Variants in LNPK observed in about 807,000 individuals in gnomAD.
The protein encoded by LNPK is endoplasmic reticulum junction formation protein lunapark.
A neutral mutation model predicts 55.2 loss-of-function variants in LNPK; 29 were observed. The observed-to-expected ratio is 0.53, with a 90% CI of 0.39 to 0.72. The LOEUF is 0.72. Among genes scored for constraint, LNPK ranks in the 30% least tolerant of loss-of-function variants. LNPK has a pLI of 0.00. For missense variants in LNPK, 467 were observed against 494.8 expected, an observed-to-expected ratio of 0.94 and a Z score of 0.53; for synonymous variants, 162 against 168.2, an observed-to-expected ratio of 0.96 and a Z score of 0.29.
chr2:176,001,374 C>T (rs1317905528), intron 1 of LNPK, among the ~76,000 whole-genome samples: 3 of 152,130 alleles, frequency 2.0e-5, no homozygotes, highest in African/African-American at 7.2e-5. Context: ...AAGCAGAACA[C>T]GGAAAACTCA....
chr2:175,934,918 C>G (rs1016877388), intron 12 of LNPK, among the ~76,000 whole-genome samples: 1 of 151,946 alleles, frequency 6.6e-6, no homozygotes, highest in Non-Finnish European at 1.5e-5. Context: ...GAAATTTCTT[C>G]TAGGTCTCCT....
chr2:175,958,682 C>G (rs1306894766), intron 8 of LNPK, among the ~76,000 whole-genome samples: 1 of 152,100 alleles, frequency 6.6e-6, no homozygotes, highest in African/African-American at 2.4e-5. Flanking sequence ...GATTGCAGCT[C>G]CTTGCCAGAA....
intron 4 of LNPK, among the ~76,000 whole-genome samples, chr2:175,982,875 AT>A (rs1184360940): frequency 2.0e-5 from 3 of 152,236 alleles, no homozygotes; most frequent in African/African-American, 7.2e-5. Context: ...TAGTTAGAGA[AT>A]AGTGGCATAA....
intron 9 of LNPK, among the ~76,000 whole-genome samples, chr2:175,946,542 A>G (rs185646973): frequency 3.1e-4 from 47 of 152,258 alleles, no homozygotes; most frequent in Non-Finnish European, 5.6e-4. Flanking sequence ...TTAGTCTTCT[A>G]AAATCTTATG....
At chr2:175,940,904 A>G (rs1161005521) in intron 9 of LNPK, 8 of 445,424 alleles carry the variant, frequency 1.8e-5, no homozygotes, top group Non-Finnish European at 3.6e-5. Context: ...AACAGTTTAG[A>G]CACTGCACAC....
At chr2:175,953,771 TAAAA>T (rs59400321) in intron 8 of LNPK, among the ~76,000 whole-genome samples, 2 of 132,486 alleles carry the variant, frequency 1.5e-5, no homozygotes, top group South Asian at 4.8e-4. Context: ...TCCATGTTAC[TAAAA>T]AAAAAAAAAA....
chr2:175,950,110 G>C lies in LNPK; in HGVS notation c.494-2418C>G, dbSNP rs528655683. 2.4e-3 allele frequency among the ~76,000 whole-genome samples: 366 copies of C among 152,082 alleles called. 1 individual carries two copies. Among genetic ancestry groups the C allele is most frequent in the Admixed American group, 4.6e-3 (70 of 15,254 alleles). On this transcript the variant is annotated intron_variant, in intron 8 of 12. Coordinates refer to ENST00000272748, the MANE Select transcript of LNPK (RefSeq NM_030650.3). ...AAAATCATAAGGAGCATGCCATAAGGTTAATTCTCAACCGTAGTATGTTTT... is the reference window on the plus strand; with the variant it reads ...AAAATCATAAGGAGCATGCCATAAGCTTAATTCTCAACCGTAGTATGTTTT...
intron 8 of LNPK, among the ~76,000 whole-genome samples, chr2:175,949,213 C>T (rs546540394): frequency 2.6e-5 from 4 of 152,164 alleles, no homozygotes; most frequent in African/African-American, 9.6e-5. Context: ...TATTTTGCTA[C>T]TTTCCATGCA....
chr2:175,933,140 C>G (rs578122306), intron 12 of LNPK, among the ~76,000 whole-genome samples: 2 of 152,188 alleles, frequency 1.3e-5, no homozygotes, highest in South Asian at 4.1e-4. Context: ...CCACCCCAAC[C>G]TCAATATTCT....
rs572848921 is a variant in LNPK at position 175,946,492 on chromosome 2, T to C, written c.706+988A>G. Among the ~76,000 whole-genome samples, 18 of 152,280 alleles carry C rather than the reference T, an allele frequency of 1.2e-4. No homozygotes were observed. In the East Asian group the frequency reaches 2.9e-3, roughly 24 times the overall value. ...TTAAGATTTGTATACATTTCATTTA[T>C]AGTCAGTATTCTTAATTTGTTAATA... is the stretch of plus-strand genomic sequence containing the variant. On this transcript the variant is annotated intron_variant, in intron 9 of 12. Coordinates refer to ENST00000272748, the MANE Select transcript of LNPK (RefSeq NM_030650.3).
Position 175,928,845 on chromosome 2 carries a change from T to C in LNPK, c.*1122A>G, listed in dbSNP as rs1684138544. ...TAACTACCAGCAACCCACTACCTAT[T>C]CTCACAAAATTTGTTTCTCAAAGTT... On this transcript the variant is annotated 3_prime_UTR_variant, in exon 13 of 13. Coordinates refer to ENST00000272748, the MANE Select transcript of LNPK (RefSeq NM_030650.3). 6.6e-6 allele frequency: 1 copy of C among 152,546 alleles called. No individual in the cohort carries two copies. 9.4% of individuals were successfully genotyped at this position (152,546 alleles called of 1,614,324 possible). A position where few individuals can be genotyped will look rare whatever the true frequency, so the allele number is the denominator to read the frequency against.
At chr2:175,985,716 G>C (rs819033) in intron 4 of LNPK, among the ~76,000 whole-genome samples, 71,856 of 151,832 alleles carry the variant, frequency 0.47, 17,766 homozygotes, top group East Asian at 0.71. Context: ...GTAGGTATAG[G>C]GATTTAATTT....
At chr2:175,979,674 T>C in intron 5 of LNPK, 136 bp downstream of exon 5, 1 of 653,260 alleles carries the variant, frequency 1.5e-6, no homozygotes. Flanking sequence ...ATAACCTTTC[T>C]CATGCTTTAT....
chr2:175,932,717 A>G (rs1393320141), intron 12 of LNPK, among the ~76,000 whole-genome samples: 1 of 152,220 alleles, frequency 6.6e-6, no homozygotes, highest in Non-Finnish European at 1.5e-5. Flanking sequence ...TATAAATTTA[A>G]TAATCACAGA....
At chr2:175,987,445 T>A (rs1687476694) in intron 4 of LNPK, among the ~76,000 whole-genome samples, 1 of 152,090 alleles carries the variant, frequency 6.6e-6, no homozygotes, top group African/African-American at 2.4e-5. Flanking sequence ...ACACCGCATG[T>A]TCTCACTCAT....
intron 9 of LNPK, among the ~76,000 whole-genome samples, chr2:175,946,091 T>C (rs1425479741): frequency 1.3e-5 from 2 of 152,194 alleles, no homozygotes; most frequent in Non-Finnish European, 2.9e-5. Flanking sequence ...CAGAAACTAA[T>C]TAAAAACTTC....
At position 175,958,220 on chromosome 2, in the gene LNPK, C is replaced by T. The variant is rs189098637; in HGVS notation, c.493+6152G>A. On this transcript the variant is annotated intron_variant, in intron 8 of 12. Transcript: ENST00000272748. The stretch of plus-strand genomic sequence containing the variant: ...CTGAAGAGAGCACTGGTTCTCCCAG[C>T]ATGGAGTTTGAGCTCTGAGAACAGA... Among the ~76,000 whole-genome samples, 522 of 152,342 alleles carry T rather than the reference C, an allele frequency of 3.4e-3. 15 individuals are homozygous for T. In the South Asian group the frequency reaches 0.073, roughly 21 times the overall value.
rs1688123831 is a variant in LNPK, at chr2:176,000,558, T to A, written c.-63+1602A>T. ...TTGTATTTTTACAAAAATAGATTGC[T>A]CTCATTTTCTCTAGTATAAGAAATA... On this transcript the variant is annotated intron_variant, in intron 1 of 12. Coordinates refer to ENST00000272748, the MANE Select transcript of LNPK (RefSeq NM_030650.3). 3.3e-5 allele frequency among the ~76,000 whole-genome samples: 5 copies of A among 152,338 alleles called. No individual in the cohort carries two copies. The South Asian group carries it at 1.0e-3, about 32-fold the overall frequency.
At chr2:176,000,883 T>C (rs958205153) in intron 1 of LNPK, among the ~76,000 whole-genome samples, 2 of 152,202 alleles carry the variant, frequency 1.3e-5, no homozygotes, top group African/African-American at 4.8e-5. Context: ...TTAAGCACTC[T>C]TAATATATAA....
Sources: gnomAD v4.1 joint callset for allele counts (sites outside exome capture counted in the v4.1 genomes callset) on GRCh38, gnomAD v4.1.1 for gene constraint, MANE v1.5 for transcripts, NCBI Gene and HGNC (gene_info 2026-07-23, HGNC 2026-07-21) for gene names.